ARHGAP15: variants seen among roughly 807,000 people sequenced by gnomAD.
ARHGAP15 encodes the protein rho GTPase-activating protein 15.
ARHGAP15 carries 51 observed loss-of-function variants against 63.7 expected under a neutral mutation model. That is an observed-to-expected ratio of 0.80 (90% CI 0.64 to 1.01). The LOEUF (loss-of-function observed/expected upper bound fraction) is 1.01. Among genes scored for constraint, ARHGAP15 ranks in the 50% least tolerant of loss-of-function variants. ARHGAP15 has a pLI of 0.00. For synonymous variants in ARHGAP15, 191 were observed against 193.8 expected (o/e 0.99, Z 0.12); for missense variants, 560 against 564.6 (o/e 0.99, Z 0.08).
At chr2:143,419,085 CT>C (rs1265525773) in intron 6 of ARHGAP15, among the ~76,000 whole-genome samples, 1 of 151,922 alleles carries the variant, frequency 6.6e-6, no homozygotes, top group African/African-American at 2.4e-5. Flanking sequence ...TTCCTTAAAA[CT>C]GCATTCCAAT....
intron 12 of ARHGAP15, among the ~76,000 whole-genome samples, chr2:143,664,466 TA>T (rs1438333568): frequency 2.0e-5 from 3 of 151,154 alleles, no homozygotes; most frequent in Admixed American, 6.6e-5. Flanking sequence ...GAGAAAGCAG[TA>T]AAGATCCAAA....
chr2:143,615,146 T>G (rs1192543630), intron 11 of ARHGAP15, among the ~76,000 whole-genome samples: 1 of 152,196 alleles, frequency 6.6e-6, no homozygotes, highest in Non-Finnish European at 1.5e-5. Context: ...TCGAGATAAC[T>G]TAGGTTAAAA....
chr2:143,537,787 T>C (rs1369603157), intron 10 of ARHGAP15, among the ~76,000 whole-genome samples: 2 of 152,182 alleles, frequency 1.3e-5, no homozygotes, highest in African/African-American at 4.8e-5. Context: ...TGTAGCCTTG[T>C]AGTGTAGTTT....
intron 8 of ARHGAP15, among the ~76,000 whole-genome samples, chr2:143,469,617 A>G (rs1248083617): frequency 6.6e-6 from 1 of 152,178 alleles, no homozygotes; most frequent in African/African-American, 2.4e-5. Context: ...GCAAACACTG[A>G]GCATTTGAAA....
At chr2:143,477,179 C>T (rs937278484) in intron 8 of ARHGAP15, among the ~76,000 whole-genome samples, 1 of 149,730 alleles carries the variant, frequency 6.7e-6, no homozygotes, top group African/African-American at 2.5e-5. Context: ...TACACACACA[C>T]ACACATGCTC....
At chr2:143,688,400 A>G (rs1683445951) in intron 12 of ARHGAP15, among the ~76,000 whole-genome samples, 1 of 152,170 alleles carries the variant, frequency 6.6e-6, no homozygotes, top group Admixed American at 6.6e-5. Context: ...CATTGTTTTA[A>G]ATAATCATCA....
intron 9 of ARHGAP15, among the ~76,000 whole-genome samples, chr2:143,502,873 C>T (rs1317251675): frequency 6.6e-6 from 1 of 152,184 alleles, no homozygotes; most frequent in Non-Finnish European, 1.5e-5. Flanking sequence ...AGCCACTGTG[C>T]CCGCCCCTGT....
chr2:143,187,098 CT>C (rs1410423731), intron 2 of ARHGAP15, among the ~76,000 whole-genome samples: 1 of 152,148 alleles, frequency 6.6e-6, no homozygotes, highest in Non-Finnish European at 1.5e-5. Context: ...TTTGCAGCTC[CT>C]TTCACTTAGT....
chr2:143,168,805 T>G (rs980788998), intron 2 of ARHGAP15, among the ~76,000 whole-genome samples: 1 of 152,080 alleles, frequency 6.6e-6, no homozygotes, highest in Non-Finnish European at 1.5e-5. Flanking sequence ...CTTTACATTC[T>G]CACTAATTAA....
At chr2:143,587,577 A>G (rs1420730764) in intron 11 of ARHGAP15, 1 of 324,344 alleles carries the variant, frequency 3.1e-6, no homozygotes, top group African/African-American at 2.2e-5. Flanking sequence ...ATTATTTCAA[A>G]CAAATCAAAT....
At chr2:143,465,975 A>T (rs1020593480) in intron 8 of ARHGAP15, among the ~76,000 whole-genome samples, 1 of 152,192 alleles carries the variant, frequency 6.6e-6, no homozygotes, top group African/African-American at 2.4e-5. Context: ...CAGCACTGCC[A>T]GTAAACAAAC....
At chr2:143,670,751 C>T (rs1054540549) in intron 12 of ARHGAP15, among the ~76,000 whole-genome samples, 1 of 152,146 alleles carries the variant, frequency 6.6e-6, no homozygotes. Context: ...ATGCCCTGGC[C>T]TGTTAAATTT....
intron 6 of ARHGAP15, among the ~76,000 whole-genome samples, chr2:143,276,753 G>A (rs890744860): frequency 3.9e-5 from 6 of 152,028 alleles, no homozygotes; most frequent in African/African-American, 1.2e-4. Context: ...GAGCAGCAGT[G>A]GCACCACCAC....
intron 6 of ARHGAP15, among the ~76,000 whole-genome samples, chr2:143,286,943 G>A (rs897054565): frequency 6.6e-6 from 1 of 152,060 alleles, no homozygotes; most frequent in South Asian, 2.1e-4. Flanking sequence ...CTTAGTATAT[G>A]GACTGTTGTT....
At chr2:143,446,900 T>C (rs1457636406) in intron 8 of ARHGAP15, among the ~76,000 whole-genome samples, 1 of 151,912 alleles carries the variant, frequency 6.6e-6, no homozygotes, top group Non-Finnish European at 1.5e-5. Context: ...GTTCTTGCAA[T>C]AGTTTGCTGA....
chr2:143,600,218 A>G (rs1054096392), intron 11 of ARHGAP15, among the ~76,000 whole-genome samples: 2 of 152,162 alleles, frequency 1.3e-5, no homozygotes, highest in Non-Finnish European at 2.9e-5. Context: ...ATGATTACAG[A>G]CTTTTGCATG....
chr2:143,674,502 A>T (rs1325529408), intron 12 of ARHGAP15, among the ~76,000 whole-genome samples: 1 of 152,164 alleles, frequency 6.6e-6, no homozygotes, highest in African/African-American at 2.4e-5. Context: ...GTATGCAGGA[A>T]ATTTCAGGGT....
At chr2:143,215,631 G>T (rs1422569001) in intron 3 of ARHGAP15, among the ~76,000 whole-genome samples, 1 of 152,130 alleles carries the variant, frequency 6.6e-6, no homozygotes, top group African/African-American at 2.4e-5. Context: ...ACACAGGAGG[G>T]TAGAAATAGG....
At chr2:143,326,010 T>A (rs558465811) in intron 6 of ARHGAP15, among the ~76,000 whole-genome samples, 2 of 152,212 alleles carry the variant, frequency 1.3e-5, no homozygotes, top group African/African-American at 4.8e-5. Flanking sequence ...AATTATAGGG[T>A]CTCAGTTGAA....
Sources: allele counts gnomAD v4.1 joint callset (sites outside exome capture counted in the v4.1 genomes callset), GRCh38; gene constraint gnomAD v4.1.1; transcripts MANE v1.5; gene names NCBI Gene and HGNC (gene_info 2026-07-23, HGNC 2026-07-21).